SMARCA5: variants seen among roughly 807,000 people sequenced by gnomAD.
SMARCA5 encodes SNF2 related chromatin remodeling ATPase 5.
Under a neutral mutation model 140.4 loss-of-function variants are expected in SMARCA5, and 18 were observed. The observed-to-expected ratio is 0.13, with a 90% CI of 0.09 to 0.19. The LOEUF is 0.19. SMARCA5 is among the 10% of genes least tolerant of loss of function. SMARCA5 has a pLI of 1.00. For missense variants in SMARCA5, 606 were observed against 1,276.8 expected, an observed-to-expected ratio of 0.47 and a Z score of 8.01; for synonymous variants, 449 against 419.6, an observed-to-expected ratio of 1.07 and a Z score of -0.86.
intron 14 of SMARCA5, among the ~76,000 whole-genome samples, chr4:143,542,178 TA>T (rs1227472084): frequency 6.6e-6 from 1 of 152,182 alleles, no homozygotes; most frequent in African/African-American, 2.4e-5. Flanking sequence ...TTTTTAAAGA[TA>T]AAAAAGACCT....
chr4:143,529,027 G>C (rs1737129492), intron 8 of SMARCA5, among the ~76,000 whole-genome samples: 1 of 151,878 alleles, frequency 6.6e-6, no homozygotes, highest in Non-Finnish European at 1.5e-5. Flanking sequence ...CTCCACCTCC[G>C]GAATTCAGGT....
intron 1 of SMARCA5, among the ~76,000 whole-genome samples, chr4:143,517,148 T>A (rs923777318): frequency 1.3e-5 from 2 of 152,226 alleles, no homozygotes; most frequent in Admixed American, 1.3e-4. Flanking sequence ...ACAGTTTATA[T>A]ATATGGGTTA....
intron 10 of SMARCA5, 23 bp from the exon 11 acceptor site, chr4:143,536,429 A>C: frequency 6.5e-7 from 1 of 1,540,622 alleles, no homozygotes; most frequent in African/African-American, 1.4e-5. Context: ...TGAGCTCTAA[A>C]AATGTTTTTC....
rs546679445 is a variant in SMARCA5 at position 143,519,684 on chromosome 4, C to T, written c.253-1745C>T. Among the ~76,000 whole-genome samples, 7 of 152,238 alleles carry T rather than the reference C, an allele frequency of 4.6e-5. No individual in the cohort carries two copies. In the South Asian group the frequency reaches 1.4e-3, roughly 32 times the overall value. ...TGCTAGTTCTAACCATAGATAAGTT[C>T]ACTATCCACTCCTCGTTCTTGAACC... On this transcript the variant is annotated intron_variant, in intron 2 of 23. Transcript: ENST00000283131.
At chr4:143,552,991 C>G (rs1578808086) in intron 23 of SMARCA5, 128 bp from the exon 24 acceptor site, 3 of 644,334 alleles carry the variant, frequency 4.7e-6, no homozygotes, top group South Asian at 2.0e-5. Context: ...ATTTATATAG[C>G]CTGGGGGAAA....
intron 3 of SMARCA5, among the ~76,000 whole-genome samples, chr4:143,521,847 G>A (rs562560157): frequency 6.8e-6 from 1 of 146,560 alleles, no homozygotes; most frequent in South Asian, 2.2e-4. Flanking sequence ...GCTTGAGTCC[G>A]GGAGTATGAG....
chr4:143,531,856 G>A (rs1402356784), intron 9 of SMARCA5, among the ~76,000 whole-genome samples: 1 of 152,124 alleles, frequency 6.6e-6, no homozygotes, highest in Non-Finnish European at 1.5e-5. Flanking sequence ...CTAATACCTA[G>A]TCCAAGACTC....
At chr4:143,545,830 C>A in intron 18 of SMARCA5, 95 bp from the exon 19 acceptor site, 2 of 1,158,388 alleles carry the variant, frequency 1.7e-6, no homozygotes, top group Non-Finnish European at 2.5e-6. Context: ...ATTTTCTTTC[C>A]TGGTTGAATT....
intron 14 of SMARCA5, 99 bp downstream of exon 14, chr4:143,540,594 G>T: frequency 3.5e-6 from 4 of 1,127,622 alleles, no homozygotes; most frequent in Non-Finnish European, 5.1e-6. Flanking sequence ...AGCATCCATT[G>T]AGTCAAGCTT....
In SMARCA5 at chr4:143,524,576, C is replaced by T. The variant is rs1578793623; in HGVS notation, c.520+109C>T. The T allele has an allele frequency of 4.6e-6, 3 of 646,632 alleles. No homozygotes were observed. In the East Asian group the frequency reaches 8.3e-5, roughly 18 times the overall value. 40.1% of individuals were successfully genotyped at this position (646,632 alleles called of 1,614,324 possible). On this transcript the variant is annotated intron_variant, in intron 4 of 23. Coordinates refer to ENST00000283131, the MANE Select transcript of SMARCA5 (RefSeq NM_003601.4). ...ATTTGTGAAGCAAATTTTTAGTAGT[C>T]TTAGATGTTTATTGGTTATGAAATA...
chr4:143,523,557 AG>A (rs1452937239), intron 3 of SMARCA5, among the ~76,000 whole-genome samples: 2 of 152,194 alleles, frequency 1.3e-5, no homozygotes, highest in Non-Finnish European at 2.9e-5. Flanking sequence ...GAGAAGTACA[AG>A]GAATAACAGA....
In SMARCA5 at chr4:143,514,109, C is replaced by T. The variant is rs1407149033; in HGVS notation, c.177+8C>T. ...GCAGACGCCGAGATGGAGGTGAGGGCGACTTGCGGCATGGGGAGCGGGTGC... is the reference window on the plus strand; with the variant it reads ...GCAGACGCCGAGATGGAGGTGAGGGTGACTTGCGGCATGGGGAGCGGGTGC... On this transcript the variant is annotated splice_region_variant and intron_variant, in intron 1 of 23. Transcript: ENST00000283131. 1 of 1,526,538 alleles carries T rather than the reference C, an allele frequency of 6.6e-7. No individual in the cohort carries two copies. Among genetic ancestry groups the T allele is most frequent in the Non-Finnish European group, 8.7e-7 (1 of 1,143,982 alleles). The allele number at this position is 1,526,538 out of a possible 1,614,324, so 94.6% of individuals were successfully genotyped here.
chr4:143,523,693 T>C (rs1489377424), intron 3 of SMARCA5, among the ~76,000 whole-genome samples: 3 of 152,190 alleles, frequency 2.0e-5, no homozygotes, highest in Non-Finnish European at 4.4e-5. Flanking sequence ...TTGGTAGAAA[T>C]GAAGTTACAA....
intron 13 of SMARCA5, among the ~76,000 whole-genome samples, chr4:143,539,539 T>C (rs1332412238): frequency 8.2e-3 from 1 of 122 alleles, no homozygotes; most frequent in African/African-American, 0.021. Flanking sequence ...GTCACTTTCT[T>C]TTTTTTTTTT....
In SMARCA5 at chr4:143,517,375, A is replaced by T. The variant is rs752509952; in HGVS notation, c.198A>T (p.Ser66=). ...AEMEEIFDDA[S]PGKQKEIQEP... Reference sequence around the variant, plus strand: ...ACCAGGAAATATTTGATGATGCGTCACCTGGAAAGCAAAAGGAAATCCAAG... The same window carrying T: ...ACCAGGAAATATTTGATGATGCGTCTCCTGGAAAGCAAAAGGAAATCCAAG... Residue 66 remains serine (S), a synonymous_variant, in exon 2 of 24, where the codon TCA becomes TCT. Coordinates refer to ENST00000283131, the MANE Select transcript of SMARCA5 (RefSeq NM_003601.4). 4 of 1,609,550 alleles carry T rather than the reference A, an allele frequency of 2.5e-6. No homozygotes were observed. The highest frequency in any genetic ancestry group is 2.7e-5 in the African/African-American group (2 of 74,780).
At chr4:143,549,967 G>C (rs1361955593) in intron 22 of SMARCA5, 30 bp from the exon 23 acceptor site, 35 of 1,225,528 alleles carry the variant, frequency 2.9e-5, no homozygotes, top group Non-Finnish European at 4.1e-5. Context: ...TGGATGGAAA[G>C]TGCGTGTACC....
At chr4:143,537,917 C>CAAA (rs34592654) in intron 11 of SMARCA5, among the ~76,000 whole-genome samples, 5 of 101,426 alleles carry the variant, frequency 4.9e-5, no homozygotes, top group Admixed American at 2.1e-4. Flanking sequence ...GACTCCATCT[C>CAAA]AAAAAAAAAA....
chr4:143,525,346 G>A (rs1445670525), intron 4 of SMARCA5, 105 bp from the exon 5 acceptor site: 12 of 736,922 alleles, frequency 1.6e-5, no homozygotes, highest in Middle Eastern at 2.4e-4. Context: ...TCAAGAATCC[G>A]TTAGTAATGA....
In SMARCA5 at chr4:143,538,085, A is replaced by G. The variant is rs181789559; in HGVS notation, c.1496-505A>G. 1.1e-3 allele frequency among the ~76,000 whole-genome samples: 163 copies of G among 152,316 alleles called. 1 individual carries two copies. The highest frequency in any genetic ancestry group is 1.8e-3 in the Non-Finnish European group (120 of 68,030). ...CTGAAGGTATTATGTAGCTGCCTAA[A>G]GAAGTGGAAGGCAGTCGGATAGTTT... On this transcript the variant is annotated intron_variant, in intron 11 of 23. Transcript: ENST00000283131.
Sources: allele counts gnomAD v4.1 joint callset (sites outside exome capture counted in the v4.1 genomes callset), GRCh38; gene constraint gnomAD v4.1.1; transcripts MANE v1.5; gene names NCBI Gene and HGNC (gene_info 2026-07-23, HGNC 2026-07-21).